CACNA2D3: variants seen among roughly 807,000 people sequenced by gnomAD.
The protein encoded by CACNA2D3 is voltage-dependent calcium channel subunit alpha-2/delta-3.
CACNA2D3 carries 60 observed loss-of-function variants against 160.6 expected under a neutral mutation model. The ratio of observed to expected loss-of-function variants is 0.37; its 90% CI spans 0.30 to 0.46. The LOEUF is 0.46. CACNA2D3 is among the 20% of genes least tolerant of loss of function. The pLI, the probability that CACNA2D3 is intolerant of heterozygous loss-of-function variation, is 1.00. For missense variants in CACNA2D3, 1,205 were observed against 1,365.0 expected, an observed-to-expected ratio of 0.88 and a Z score of 1.85; for synonymous variants, 558 against 492.9, an observed-to-expected ratio of 1.13 and a Z score of -1.75.
intron 11 of CACNA2D3, among the ~76,000 whole-genome samples, chr3:54,736,131 G>GTATA (rs779122781): frequency 2.4e-5 from 1 of 42,304 alleles, no homozygotes; most frequent in Non-Finnish European, 4.7e-5. Flanking sequence ...ATATATATAT[G>GTATA]TATATATATA....
chr3:54,810,648 G>A (rs1703282738), intron 13 of CACNA2D3, among the ~76,000 whole-genome samples: 1 of 152,180 alleles, frequency 6.6e-6, no homozygotes, highest in Admixed American at 6.5e-5. Flanking sequence ...CAGTTGGCAG[G>A]AAAATACTTT....
intron 29 of CACNA2D3, among the ~76,000 whole-genome samples, chr3:54,977,481 A>C (rs564514203): frequency 6.6e-6 from 1 of 152,194 alleles, no homozygotes; most frequent in African/African-American, 2.4e-5. Flanking sequence ...GTATTAGGCA[A>C]ACAGAAAGAT....
chr3:54,832,731 T>C (rs1198439253), intron 14 of CACNA2D3, among the ~76,000 whole-genome samples: 1 of 152,178 alleles, frequency 6.6e-6, no homozygotes, highest in African/African-American at 2.4e-5. Context: ...TCCTCTGCCA[T>C]GTTAGCTTTT....
intron 33 of CACNA2D3, among the ~76,000 whole-genome samples, chr3:55,008,895 A>G (rs1026286894): frequency 8.9e-6 from 1 of 112,248 alleles, no homozygotes; most frequent in African/African-American, 3.4e-5. Flanking sequence ...CTATACACAC[A>G]CACACACACA....
chr3:54,401,390 G>A (rs1699461094), intron 4 of CACNA2D3, among the ~76,000 whole-genome samples: 1 of 152,182 alleles, frequency 6.6e-6, no homozygotes, highest in Admixed American at 6.5e-5. Context: ...ATCCAGATCT[G>A]TGAAACTCAA....
intron 35 of CACNA2D3, among the ~76,000 whole-genome samples, chr3:55,060,861 A>T (rs1342402456): frequency 1.3e-5 from 2 of 152,206 alleles, no homozygotes; most frequent in Non-Finnish European, 2.9e-5. Flanking sequence ...TTCCTCTGGG[A>T]TAAGAAAAGA....
intron 4 of CACNA2D3, among the ~76,000 whole-genome samples, chr3:54,400,796 C>T (rs1699446242): frequency 6.6e-6 from 1 of 152,106 alleles, no homozygotes; most frequent in Admixed American, 6.5e-5. Flanking sequence ...GTGATTGTTT[C>T]ACCAGATGTG....
chr3:55,059,213 A>T (rs1704440327), intron 35 of CACNA2D3, among the ~76,000 whole-genome samples: 1 of 152,216 alleles, frequency 6.6e-6, no homozygotes, highest in South Asian at 2.1e-4. Flanking sequence ...GAACCCAACA[A>T]TTCACATGGA....
At chr3:54,792,335 A>T (rs1011009700) in intron 13 of CACNA2D3, among the ~76,000 whole-genome samples, 12 of 152,186 alleles carry the variant, frequency 7.9e-5, no homozygotes, top group African/African-American at 2.7e-4. Context: ...GGGACTCCAT[A>T]GAGCAGAGTT....
At chr3:54,744,075 A>G (rs1466153425) in intron 11 of CACNA2D3, among the ~76,000 whole-genome samples, 1 of 152,152 alleles carries the variant, frequency 6.6e-6, no homozygotes, top group Non-Finnish European at 1.5e-5. Flanking sequence ...AGTGATGCCT[A>G]TTCTGTCTCA....
intron 14 of CACNA2D3, among the ~76,000 whole-genome samples, chr3:54,828,019 T>C (rs1281982686): frequency 6.6e-6 from 1 of 152,234 alleles, no homozygotes; most frequent in Non-Finnish European, 1.5e-5. Flanking sequence ...ATGGTATCTT[T>C]GGTTGTAGAA....
intron 3 of CACNA2D3, among the ~76,000 whole-genome samples, chr3:54,374,473 A>T (rs1372209834): frequency 6.6e-6 from 1 of 152,246 alleles, no homozygotes. Flanking sequence ...GCTGAGAGTC[A>T]GCAGGCATTC....
Position 54,781,301 on chromosome 3 carries a change from A to G in CACNA2D3, c.1380+16950A>G, listed in dbSNP as rs114571056. Reference sequence around the variant, plus strand: ...AGGTCTGGTGATTTCCCCAGACTTCATGGAATCTAGATTAAGTTTGCCAAT... The same window carrying G: ...AGGTCTGGTGATTTCCCCAGACTTCGTGGAATCTAGATTAAGTTTGCCAAT... On this transcript the variant is annotated intron_variant, in intron 13 of 37. Transcript: ENST00000474759. Among the ~76,000 whole-genome samples, 846 of 152,328 alleles carry G rather than the reference A, an allele frequency of 5.6e-3. 3 individuals are homozygous for G. Among genetic ancestry groups the G allele is most frequent in the Middle Eastern group, 0.01 (3 of 294 alleles).
intron 5 of CACNA2D3, among the ~76,000 whole-genome samples, chr3:54,520,613 A>T (rs910647703): frequency 6.6e-6 from 1 of 152,230 alleles, no homozygotes; most frequent in Non-Finnish European, 1.5e-5. Context: ...TTATTGAGAT[A>T]CAATTCACAT....
intron 3 of CACNA2D3, among the ~76,000 whole-genome samples, chr3:54,342,449 A>G (rs1698374939): frequency 6.6e-6 from 1 of 152,152 alleles, no homozygotes; most frequent in African/African-American, 2.4e-5. Context: ...TTGTATGTGC[A>G]TGGAGAGGGC....
intron 2 of CACNA2D3, among the ~76,000 whole-genome samples, chr3:54,228,961 T>C (rs180975574): frequency 1.3e-5 from 2 of 152,326 alleles, no homozygotes; most frequent in African/African-American, 4.8e-5. Context: ...GTGTCTCAGA[T>C]ACCTCCAGGG....
intron 14 of CACNA2D3, among the ~76,000 whole-genome samples, chr3:54,822,136 T>C (rs1159773423): frequency 2.0e-5 from 3 of 152,236 alleles, no homozygotes; most frequent in Non-Finnish European, 4.4e-5. Flanking sequence ...TTTCTCCTTA[T>C]CATTTACTAT....
intron 9 of CACNA2D3, among the ~76,000 whole-genome samples, chr3:54,594,614 T>C (rs1446048464): frequency 6.6e-6 from 1 of 152,220 alleles, no homozygotes; most frequent in Non-Finnish European, 1.5e-5. Context: ...AACTTGCCAG[T>C]TAACCAATTT....
intron 27 of CACNA2D3, among the ~76,000 whole-genome samples, chr3:54,904,948 A>G (rs1339410611): frequency 6.6e-6 from 1 of 152,218 alleles, no homozygotes; most frequent in Non-Finnish European, 1.5e-5. Context: ...TTGTTGGACC[A>G]GTAGTTATCT....
Sources: gnomAD v4.1 joint callset for allele counts (sites outside exome capture counted in the v4.1 genomes callset) on GRCh38, gnomAD v4.1.1 for gene constraint, MANE v1.5 for transcripts, NCBI Gene and HGNC (gene_info 2026-07-23, HGNC 2026-07-21) for gene names.